The following RIMS2 variants were observed in gnomAD, a reference collection of about 807,000 sequenced individuals.
The protein encoded by RIMS2 is regulating synaptic membrane exocytosis protein 2.
In RIMS2, 59 loss-of-function variants were observed where a neutral mutation model predicts 174.4. The ratio of observed to expected loss-of-function variants is 0.34; its 90% CI spans 0.27 to 0.42. The LOEUF (loss-of-function observed/expected upper bound fraction) is 0.42, where lower values mean the gene tolerates loss of function less well. RIMS2 is among the 10% of genes least tolerant of loss of function. The probability of loss-of-function intolerance (pLI) is 1.00; values close to 1 mark genes in which losing one functional copy is unlikely to be tolerated. For synonymous variants in RIMS2, 606 were observed against 572.5 expected, an observed-to-expected ratio of 1.06 and a Z score of -0.84; for missense variants, 1,620 against 1,666.3, an observed-to-expected ratio of 0.97 and a Z score of 0.48.
chr8:103,709,576 A>C (rs1178333346), intron 2 of RIMS2, among the ~76,000 whole-genome samples: 1 of 152,184 alleles, frequency 6.6e-6, no homozygotes, highest in East Asian at 1.9e-4. Flanking sequence ...TCTACAGAGG[A>C]AAGACTGAGT....
intron 3 of RIMS2, among the ~76,000 whole-genome samples, chr8:103,800,725 A>G (rs768365152): frequency 2.0e-5 from 3 of 152,048 alleles, no homozygotes; most frequent in Non-Finnish European, 4.4e-5. Context: ...GCTGGATTGG[A>G]TTTACTAATA....
chr8:103,744,069 C>T (rs145674872), intron 2 of RIMS2, among the ~76,000 whole-genome samples: 6 of 152,068 alleles, frequency 3.9e-5, no homozygotes, highest in Admixed American at 1.3e-4. Flanking sequence ...TTTTTTGAGA[C>T]GAAGTGTTGC....
chr8:103,953,758 C>T (rs1432982794), intron 14 of RIMS2, among the ~76,000 whole-genome samples: 1 of 152,062 alleles, frequency 6.6e-6, no homozygotes, highest in Non-Finnish European at 1.5e-5. Context: ...ACAATATTAA[C>T]CTTAAATGTA....
intron 4 of RIMS2, 45 bp downstream of exon 7, chr8:103,886,268 CGT>C (rs2154520045): frequency 2.7e-6 from 4 of 1,500,168 alleles, no homozygotes; most frequent in Non-Finnish European, 3.6e-6. Context: ...ATTAGATAAG[CGT>C]TTTTTTTAAT....
At chr8:103,926,101 T>A (rs957102524) in intron 10 of RIMS2, among the ~76,000 whole-genome samples, 1 of 151,542 alleles carries the variant, frequency 6.6e-6, no homozygotes, top group Non-Finnish European at 1.5e-5. Flanking sequence ...AAGGATTAAT[T>A]TATTTGAAAG....
At chr8:103,577,404 G>A (rs1340769970) in intron 1 of RIMS2, among the ~76,000 whole-genome samples, 1 of 152,080 alleles carries the variant, frequency 6.6e-6, no homozygotes, top group Admixed American at 6.6e-5. Context: ...CTGATAAGTG[G>A]GAGTTGAACA....
At chr8:104,188,849 A>C (rs1032670115) in intron 19 of RIMS2, among the ~76,000 whole-genome samples, 70 of 151,976 alleles carry the variant, frequency 4.6e-4, no homozygotes, top group African/African-American at 1.6e-3. Flanking sequence ...TTTTAAAATT[A>C]TACGTCTTTT....
At chr8:104,186,430 A>T (rs1165876501) in intron 19 of RIMS2, among the ~76,000 whole-genome samples, 1 of 151,774 alleles carries the variant, frequency 6.6e-6, no homozygotes, top group Non-Finnish European at 1.5e-5. Context: ...ATATAAATTT[A>T]TTGTTTTATT....
intron 1 of RIMS2, among the ~76,000 whole-genome samples, chr8:103,606,023 T>C (rs1288300814): frequency 2.0e-5 from 3 of 146,484 alleles, no homozygotes; most frequent in African/African-American, 5.1e-5. Context: ...TGATTTTAGT[T>C]ATTTCTTGCC....
chr8:103,900,834 G>A (rs1352336681), intron 4 of RIMS2, among the ~76,000 whole-genome samples: 3 of 152,042 alleles, frequency 2.0e-5, no homozygotes, highest in African/African-American at 7.2e-5. Context: ...TCTGAAAACT[G>A]GTTTAGATCC....
chr8:104,216,345 T>G (rs1208875118), intron 19 of RIMS2, among the ~76,000 whole-genome samples: 2 of 152,198 alleles, frequency 1.3e-5, no homozygotes. Context: ...AACATGGTCT[T>G]ATTATCATGG....
At chr8:103,945,945 A>G (rs1029730007) in intron 14 of RIMS2, among the ~76,000 whole-genome samples, 7 of 152,160 alleles carry the variant, frequency 4.6e-5, no homozygotes, top group African/African-American at 1.4e-4. Context: ...TCTTCTTATC[A>G]CTTCTATTCA....
At chr8:103,598,916 T>TA (rs978834313) in intron 1 of RIMS2, among the ~76,000 whole-genome samples, 2 of 151,974 alleles carry the variant, frequency 1.3e-5, no homozygotes, top group Non-Finnish European at 2.9e-5. Context: ...TTTTTTTTTT[T>TA]ACAGTAAGTT....
intron 19 of RIMS2, among the ~76,000 whole-genome samples, chr8:104,209,677 C>T (rs2511552): frequency 0.6 from 91,352 of 151,982 alleles, 27,589 homozygotes; most frequent in East Asian, 0.65. Flanking sequence ...TACTAATGTG[C>T]CTGAAGTACT....
intron 14 of RIMS2, among the ~76,000 whole-genome samples, chr8:103,945,109 C>T (rs56409041): frequency 0.13 from 19,288 of 151,924 alleles, 1,693 homozygotes; most frequent in Non-Finnish European, 0.19. Flanking sequence ...TTTCAAAGAT[C>T]GTGATCATAT....
chr8:103,735,801 T>A (rs1459767095), intron 2 of RIMS2, among the ~76,000 whole-genome samples: 2 of 152,090 alleles, frequency 1.3e-5, no homozygotes, highest in African/African-American at 4.8e-5. Context: ...GGGAGAGACG[T>A]TTTTTTGTTA....
intron 19 of RIMS2, among the ~76,000 whole-genome samples, chr8:104,154,118 A>C (rs2098706862): frequency 6.6e-6 from 1 of 152,242 alleles, no homozygotes; most frequent in Admixed American, 6.5e-5. Flanking sequence ...TAAACCTCAC[A>C]ACAAAGTTAT....
intron 9 of RIMS2, 191 bp downstream of exon 12, chr8:103,918,678 A>C (rs926506941): frequency 1.8e-6 from 1 of 558,620 alleles, no homozygotes; most frequent in Non-Finnish European, 3.3e-6. Context: ...AGAATATTTT[A>C]AGTTTTTTTT....
chr8:103,862,251 A>AT (rs1435584432), intron 3 of RIMS2, among the ~76,000 whole-genome samples: 1 of 151,748 alleles, frequency 6.6e-6, no homozygotes, highest in Non-Finnish European at 1.5e-5. Flanking sequence ...CCCATTGTTT[A>AT]TTTTTATTGA....
Sources: allele counts gnomAD v4.1 joint callset (sites outside exome capture counted in the v4.1 genomes callset), GRCh38; gene constraint gnomAD v4.1.1; transcripts MANE v1.5; gene names NCBI Gene and HGNC (gene_info 2026-07-23, HGNC 2026-07-21).